Variants in KCP observed in about 807,000 individuals in gnomAD.
The protein encoded by KCP is kielin cysteine rich BMP regulator, also known as kielin/chordin-like protein.
A neutral mutation model predicts 212.7 loss-of-function variants in KCP; 194 were observed. That is an observed-to-expected ratio of 0.91 (90% confidence interval 0.81 to 1.03). The LOEUF (loss-of-function observed/expected upper bound fraction) is 1.03. KCP is among the 50% of genes least tolerant of loss of function. The pLI, the probability that KCP is intolerant of heterozygous loss-of-function variation, is 0.00. For missense variants in KCP, 2,080 were observed against 2,162.5 expected (o/e 0.96, Z 0.76); for synonymous variants, 833 against 865.3 (o/e 0.96, Z 0.65).
intron 22 of KCP, 108 bp from the exon 23 acceptor site, chr7:128,887,408 C>T: frequency 1.2e-6 from 1 of 823,124 alleles, no homozygotes; most frequent in Non-Finnish European, 2.0e-6. Context: ...CAGCCACAGA[C>T]ACACACATAG....
Position 128,884,871 on chromosome 7 carries a change from G to A in KCP, c.3041-8C>T. The A allele has an allele frequency of 6.4e-7, 1 of 1,550,640 alleles. No individual in the cohort carries two copies. ...GGCCCTCATGCTCACAGTCTTTGGG[G>A]TGGAGTGAGAGCAGAACGGGACCAG... On this transcript the variant is annotated splice_region_variant and splice_polypyrimidine_tract_variant and intron_variant, in intron 27 of 39. Transcript: ENST00000610776.
chr7:128,906,323 C>T lies in KCP; in HGVS notation c.527G>A (p.Gly176Glu). 1 of 1,550,650 alleles carries T rather than the reference C, an allele frequency of 6.4e-7. No individual in the cohort carries two copies. ...GCATGCTCCTGGCTCAGGGCAGGGT[C>T]CTCTTGGGCATGGCTTCTGGTTGCA... is the stretch of plus-strand genomic sequence containing the variant. ...ITCNQKPCPR[G>E]PCPEPGACCP... The change falls in exon 5 of 40, where the codon GGA (glycine) becomes GAA (glutamate). Residue 176 changes from glycine (G) to glutamate (E), a missense_variant. Coordinates refer to ENST00000610776, the MANE Select transcript of KCP (RefSeq NM_001366122.1).
intron 22 of KCP, among the ~76,000 whole-genome samples, chr7:128,888,652 C>A (rs1202879194): frequency 6.7e-6 from 1 of 148,712 alleles, no homozygotes; most frequent in Non-Finnish European, 1.5e-5. Flanking sequence ...ACATACACAG[C>A]CACACACACA....
intron 8 of KCP, 50 bp downstream of exon 8, chr7:128,902,727 G>T: frequency 6.9e-7 from 1 of 1,458,738 alleles, no homozygotes; most frequent in Non-Finnish European, 9.4e-7. Context: ...TGAATACAGT[G>T]GGCCTGAGGG....
At chr7:128,901,497 G>C (rs919156399) in intron 8 of KCP, among the ~76,000 whole-genome samples, 2 of 152,064 alleles carry the variant, frequency 1.3e-5, no homozygotes, top group African/African-American at 4.8e-5. Context: ...GTGTTGGCGG[G>C]CGCCTGTAGT....
intron 8 of KCP, among the ~76,000 whole-genome samples, chr7:128,900,930 G>A (rs1794805818): frequency 6.6e-6 from 1 of 152,194 alleles, no homozygotes; most frequent in African/African-American, 2.4e-5. Context: ...AATAGGAGCT[G>A]GATAAAAATG....
In KCP at chr7:128,892,909, G is replaced by T. The variant is rs1445569126; in HGVS notation, c.1380C>A (p.Leu460=). The change falls in exon 14 of 40, where the codon CTC becomes CTA. Residue 460 remains leucine (L), a synonymous_variant. Transcript: ENST00000610776. ...QDGVPKCGAV[L]CPPAPCQHPT... is the part of the protein sequence containing the mutation. ...GGTGCTGGCAGGGGGCTGGGGGGCA[G>T]AGCACAGCCCCGCACTTGGGTACCC... is the stretch of plus-strand genomic sequence containing the variant. 1.3e-6 allele frequency: 2 copies of T among 1,530,776 alleles called. No homozygotes were observed. The highest frequency in any genetic ancestry group is 1.8e-6 in the Non-Finnish European group (2 of 1,128,276). 94.8% of individuals were successfully genotyped at this position (1,530,776 alleles called of 1,614,324 possible).
At chr7:128,902,718 G>T in intron 8 of KCP, 59 bp downstream of exon 8, 1 of 1,432,194 alleles carries the variant, frequency 7.0e-7, no homozygotes, top group Non-Finnish European at 9.6e-7. Flanking sequence ...ATGAGCAAAT[G>T]AATACAGTGG....
At position 128,880,004 on chromosome 7, in the gene KCP, G is replaced by T; in HGVS notation, c.3841C>A (p.Pro1281Thr). 1 of 1,550,268 alleles carries T rather than the reference G, an allele frequency of 6.5e-7. No homozygotes were observed. The highest frequency in any genetic ancestry group is 2.4e-5 in the East Asian group (1 of 40,910). The stretch of plus-strand genomic sequence containing the variant: ...CGGCCGTCGAAGGTGCGGTAATGGG[G>T]GTCTCCGAAGGCCATGCAGGAAGCG... ...RPASCMAFGD[P>T]HYRTFDGRLL... Residue 1281 changes from proline (P) to threonine (T), a missense_variant, in exon 35 of 40, where the codon CCC becomes ACC. By Grantham distance (38) the Pro-to-Thr change is conservative. Coordinates refer to ENST00000610776, the MANE Select transcript of KCP (RefSeq NM_001366122.1).
chr7:128,892,731 T>C lies in KCP; in HGVS notation c.1484A>G (p.Asn495Ser). ...YHSQVYANGQ[N>S]FTDADSPCHA... ...GCAAGGGCTGTCTGCATCCGTGAAG[T>C]TCTGCCCATTGGCATACACTTGGCT... The change falls in exon 15 of 40, where the codon AAC becomes AGC. Residue 495 changes from asparagine to serine, a missense_variant. Transcript: ENST00000610776. The C allele has an allele frequency of 1.3e-6, 2 of 1,551,662 alleles. No homozygotes were observed. Among genetic ancestry groups the C allele is most frequent in the Non-Finnish European group, 1.7e-6 (2 of 1,146,952 alleles).
rs1416072077 is a variant in KCP at position 128,881,965 on chromosome 7, G to A, written c.3296C>T (p.Pro1099Leu). The A allele has an allele frequency of 1.9e-6, 3 of 1,551,358 alleles. No individual in the cohort carries two copies. Among genetic ancestry groups the A allele is most frequent in the Non-Finnish European group, 2.6e-6 (3 of 1,146,960 alleles). ...EGLLGSELAPPDPCYTCQCQD... is the reference protein window; with the variant it reads ...EGLLGSELAPLDPCYTCQCQD... ...GCACTGGCACGTGTAGCAGGGGTCT[G>A]GTGGGGCTAGCTCAGATCCCAGCAG... is the stretch of plus-strand genomic sequence containing the variant. The change falls in exon 30 of 40, where the codon CCA becomes CTA. Residue 1099 changes from proline (P) to leucine (L), a missense_variant. Transcript: ENST00000610776.
rs1794286458 is a variant in KCP at position 128,893,196 on chromosome 7, G to A, written c.1267+42C>T. ...GCACCCTCCTTCTGCAGCCCTCAGAGGCAGCGCCCATAGCAGCTGCTCCTC... is the reference window on the plus strand; with the variant it reads ...GCACCCTCCTTCTGCAGCCCTCAGAAGCAGCGCCCATAGCAGCTGCTCCTC... On this transcript the variant is annotated intron_variant, in intron 13 of 39. Transcript: ENST00000610776. 3.3e-6 allele frequency: 5 copies of A among 1,528,574 alleles called. No individual in the cohort carries two copies. The African/African-American group carries it at 6.9e-5, about 21-fold the overall frequency. 94.7% of individuals were successfully genotyped at this position (1,528,574 alleles called of 1,614,324 possible).
At chr7:128,883,780 C>A (rs541014659) in intron 29 of KCP, among the ~76,000 whole-genome samples, 106 of 152,336 alleles carry the variant, frequency 7.0e-4, no homozygotes, top group African/African-American at 2.4e-3. Context: ...ACCTGCTGGC[C>A]AAGATGCTCC....
intron 1 of KCP, among the ~76,000 whole-genome samples, chr7:128,909,175 C>G (rs1795303703): frequency 6.6e-6 from 1 of 152,222 alleles, no homozygotes; most frequent in Admixed American, 6.5e-5. Context: ...TTCACCTTTT[C>G]ACTTTGATCC....
chr7:128,909,679 C>T (rs1441948994), intron 1 of KCP, among the ~76,000 whole-genome samples: 1 of 152,156 alleles, frequency 6.6e-6, no homozygotes, highest in Admixed American at 6.5e-5. Flanking sequence ...TCCACTCGAC[C>T]TTTCTGAATC....
intron 37 of KCP, 57 bp from the exon 38 acceptor site, chr7:128,878,779 C>G: frequency 1.0e-5 from 15 of 1,498,336 alleles, no homozygotes; most frequent in Non-Finnish European, 1.3e-5. Flanking sequence ...TTAAGAAGCC[C>G]AGGGTCCATC....
intron 1 of KCP, among the ~76,000 whole-genome samples, chr7:128,910,088 C>T (rs1795350142): frequency 6.6e-6 from 1 of 152,276 alleles, no homozygotes; most frequent in Non-Finnish European, 1.5e-5. Flanking sequence ...TCTGGGACCC[C>T]TAGGTGAAGC....
intron 21 of KCP, among the ~76,000 whole-genome samples, chr7:128,889,614 T>G (rs1793959825): frequency 6.6e-6 from 1 of 152,244 alleles, no homozygotes; most frequent in South Asian, 2.1e-4. Context: ...TTATATTCAT[T>G]TTTATGGTAA....
At chr7:128,905,761 T>C (rs1271238679) in intron 5 of KCP, among the ~76,000 whole-genome samples, 2 of 152,110 alleles carry the variant, frequency 1.3e-5, no homozygotes, top group Non-Finnish European at 2.9e-5. Flanking sequence ...ATGGACTTCC[T>C]GCAACCCACC....
Sources: gnomAD v4.1 joint callset for allele counts (sites outside exome capture counted in the v4.1 genomes callset) on GRCh38, gnomAD v4.1.1 for gene constraint, MANE v1.5 for transcripts, NCBI Gene and HGNC (gene_info 2026-07-23, HGNC 2026-07-21) for gene names.